The following TSPAN5 variants were observed in gnomAD, a reference collection of about 807,000 sequenced individuals.
TSPAN5 encodes tetraspanin-5.
A neutral mutation model predicts 37.1 loss-of-function variants in TSPAN5; 10 were observed. That is an observed-to-expected ratio of 0.27 (90% CI 0.17 to 0.46). The LOEUF is 0.46. Among genes scored for constraint, TSPAN5 ranks in the 20% least tolerant of loss-of-function variants. TSPAN5 has a pLI of 1.00. For synonymous variants in TSPAN5, 110 were observed against 118.9 expected (o/e 0.93, Z 0.48); for missense variants, 195 against 326.6 (o/e 0.60, Z 3.11).
At chr4:98,598,218 CCTTT>C (rs1373116593) in intron 1 of TSPAN5, among the ~76,000 whole-genome samples, 3 of 141,706 alleles carry the variant, frequency 2.1e-5, no homozygotes, top group East Asian at 2.1e-4. Flanking sequence ...GTCCGTCACC[CCTTT>C]CTTTGACTCG....
chr4:98,632,809 G>T (rs1258925581), intron 1 of TSPAN5, among the ~76,000 whole-genome samples: 4 of 152,208 alleles, frequency 2.6e-5, no homozygotes, highest in African/African-American at 4.8e-5. Flanking sequence ...GAGTGGAAGA[G>T]AAGGAAGAGG....
chr4:98,654,130 G>A (rs1027746172), intron 1 of TSPAN5, among the ~76,000 whole-genome samples: 1 of 152,186 alleles, frequency 6.6e-6, no homozygotes, highest in Non-Finnish European at 1.5e-5. Flanking sequence ...CAGGCATCCT[G>A]CCCAGAGGGC....
chr4:98,613,660 T>A, intron 1 of TSPAN5, among the ~76,000 whole-genome samples: 1 of 151,940 alleles, frequency 6.6e-6, no homozygotes, highest in Admixed American at 6.6e-5. Flanking sequence ...TAGTCCCTAT[T>A]GTAAACATCA....
intron 1 of TSPAN5, among the ~76,000 whole-genome samples, chr4:98,520,718 A>G (rs545882170): frequency 5.1e-4 from 78 of 152,364 alleles, no homozygotes; most frequent in Non-Finnish European, 9.4e-4. Flanking sequence ...TTGGAAAAGA[A>G]TATGTTGCAT....
rs1754165788 is a variant in TSPAN5, at chr4:98,533,939, T to TAAAAAAAAAAAAAAAGAAAAAAAA, written c.82-26212_82-26211insTTTTTTTTCTTTTTTTTTTTTTTT. On this transcript the variant is annotated intron_variant, in intron 1 of 7. Transcript: ENST00000305798. ...AGTGGTCTATCCATTTTGTTGATCT[T>TAAAAAAAAAAAAAAAGAAAAAAAA]AAAAAAAAAAAAAAAAAAAAAAACC... 6.4e-5 allele frequency among the ~76,000 whole-genome samples: 2 copies of TAAAAAAAAAAAAAAAGAAAAAAAA among 31,148 alleles called. 1 individual carries two copies. The highest frequency in any genetic ancestry group is 9.9e-5 in the Non-Finnish European group (2 of 20,102). 20.4% of individuals were successfully genotyped at this position (31,148 alleles called of 152,430 possible).
chr4:98,565,503 T>C (rs1261373075), intron 1 of TSPAN5, among the ~76,000 whole-genome samples: 1 of 152,178 alleles, frequency 6.6e-6, no homozygotes, highest in Non-Finnish European at 1.5e-5. Flanking sequence ...TGTTTTCCCA[T>C]ATACAAATTT....
At chr4:98,507,185 T>C (rs1753497587) in intron 2 of TSPAN5, among the ~76,000 whole-genome samples, 1 of 152,232 alleles carries the variant, frequency 6.6e-6, no homozygotes, top group African/African-American at 2.4e-5. Flanking sequence ...ATGAGTGTAT[T>C]TGATACTCAA....
At chr4:98,499,568 A>G (rs182864326) in intron 2 of TSPAN5, among the ~76,000 whole-genome samples, 114 of 151,916 alleles carry the variant, frequency 7.5e-4, no homozygotes, top group Non-Finnish European at 1.2e-3. Context: ...CTTCCCATAT[A>G]CTTCATGTGT....
intron 1 of TSPAN5, among the ~76,000 whole-genome samples, chr4:98,548,626 T>TTG (rs1754525757): frequency 6.6e-6 from 1 of 152,140 alleles, no homozygotes; most frequent in Non-Finnish European, 1.5e-5. Context: ...ATCACCTAAA[T>TTG]AGTAAACTTT....
chr4:98,614,652 T>A (rs1207735902), intron 1 of TSPAN5, among the ~76,000 whole-genome samples: 1 of 152,206 alleles, frequency 6.6e-6, no homozygotes, highest in Non-Finnish European at 1.5e-5. Flanking sequence ...ATTTCTAACA[T>A]CCAAACACTT....
chr4:98,599,255 G>T (rs145320259), intron 1 of TSPAN5, among the ~76,000 whole-genome samples: 1 of 152,008 alleles, frequency 6.6e-6, no homozygotes, highest in African/African-American at 2.4e-5. Context: ...ACCCTCCTGC[G>T]TCAGCCTCCT....
Position 98,628,526 on chromosome 4 carries a change from T to C in TSPAN5, c.81+29620A>G, listed in dbSNP as rs570323948. On this transcript the variant is annotated intron_variant, in intron 1 of 7. Coordinates refer to ENST00000305798, the MANE Select transcript of TSPAN5 (RefSeq NM_005723.4). Reference sequence around the variant, plus strand: ...TTGACAAATTCTCATTTTTTAAATATGAAGTTCCAGCCTCTCCTGGAAAAT... The same window carrying C: ...TTGACAAATTCTCATTTTTTAAATACGAAGTTCCAGCCTCTCCTGGAAAAT... 9.2e-4 allele frequency among the ~76,000 whole-genome samples: 140 copies of C among 152,290 alleles called. 1 individual carries two copies. Among genetic ancestry groups the C allele is most frequent in the African/African-American group, 3.3e-3 (139 of 41,574 alleles).
intron 1 of TSPAN5, among the ~76,000 whole-genome samples, chr4:98,598,102 A>G (rs1755790390): frequency 9.6e-6 from 1 of 103,674 alleles, no homozygotes; most frequent in East Asian, 2.5e-4. Flanking sequence ...TCGTGGGCGT[A>G]GGACCCTCTG....
At chr4:98,583,074 AC>A (rs918248769) in intron 1 of TSPAN5, among the ~76,000 whole-genome samples, 3 of 152,140 alleles carry the variant, frequency 2.0e-5, no homozygotes, top group African/African-American at 7.2e-5. Flanking sequence ...CATCCCCTCA[AC>A]CCAACTTCGA....
intron 1 of TSPAN5, among the ~76,000 whole-genome samples, chr4:98,641,152 C>A (rs1264910899): frequency 1.3e-5 from 2 of 152,070 alleles, no homozygotes; most frequent in Non-Finnish European, 2.9e-5. Flanking sequence ...AAGTAAATAT[C>A]CCCTCTTTTT....
intron 1 of TSPAN5, among the ~76,000 whole-genome samples, chr4:98,581,007 A>G (rs1755357524): frequency 6.6e-6 from 1 of 152,212 alleles, no homozygotes; most frequent in African/African-American, 2.4e-5. Flanking sequence ...TCCAATCTGA[A>G]AGCACAGGCT....
At chr4:98,480,082 G>T (rs1478651023) in intron 4 of TSPAN5, among the ~76,000 whole-genome samples, 1 of 152,140 alleles carries the variant, frequency 6.6e-6, no homozygotes, top group Non-Finnish European at 1.5e-5. Flanking sequence ...TATCTTGTGT[G>T]TGTCTATTAT....
chr4:98,625,235 T>C (rs967644490), intron 1 of TSPAN5, among the ~76,000 whole-genome samples: 3 of 152,210 alleles, frequency 2.0e-5, no homozygotes, highest in African/African-American at 7.2e-5. Flanking sequence ...AAGGTCTGAT[T>C]GCAAAAATTC....
At chr4:98,589,249 T>C (rs1293495600) in intron 1 of TSPAN5, among the ~76,000 whole-genome samples, 1 of 152,232 alleles carries the variant, frequency 6.6e-6, no homozygotes, top group Non-Finnish European at 1.5e-5. Context: ...TAGCAAGCAC[T>C]GGTCAGCAAA....
Sources: gnomAD v4.1 joint callset for allele counts (sites outside exome capture counted in the v4.1 genomes callset) on GRCh38, gnomAD v4.1.1 for gene constraint, MANE v1.5 for transcripts, NCBI Gene and HGNC (gene_info 2026-07-23, HGNC 2026-07-21) for gene names.